The following PID1 variants were observed in gnomAD, a reference collection of about 807,000 sequenced individuals.
The protein encoded by PID1 is phosphotyrosine interaction domain containing 1.
Under a neutral mutation model 19.1 loss-of-function variants are expected in PID1, and 10 were observed. The ratio of observed to expected loss-of-function variants is 0.52; its 90% confidence interval spans 0.32 to 0.89. The LOEUF is 0.89. Ranked by LOEUF, PID1 falls within the 40% of genes least tolerant of loss-of-function variation. The pLI is 0.03. For missense variants in PID1, 248 were observed against 285.3 expected (o/e 0.87, Z 0.94); for synonymous variants, 130 against 116.0 (o/e 1.12, Z -0.78).
intron 2 of PID1, among the ~76,000 whole-genome samples, chr2:229,099,469 A>G (rs1008641976): frequency 3.3e-5 from 5 of 152,190 alleles, no homozygotes; most frequent in African/African-American, 1.2e-4. Flanking sequence ...GGTTTCCATG[A>G]ATTTCTAATT....
Position 229,131,899 on chromosome 2 carries a change from CAGA to C in PID1, c.177+23916_177+23918del, listed in dbSNP as rs551534470. 4.9e-4 allele frequency among the ~76,000 whole-genome samples: 74 copies of C among 152,164 alleles called. No individual in the cohort carries two copies. In the South Asian group the frequency reaches 0.014, roughly 29 times the overall value. On this transcript the variant is annotated intron_variant, in intron 2 of 2. Coordinates refer to ENST00000392055, the MANE Select transcript of PID1 (RefSeq NM_001100818.2). ...TAAACAACAGTGACATGAGGGTGGG[CAGA>C]AGATTAGTTATGATCTAGTACTATC...
rs146209799 is a variant in PID1, at chr2:229,109,993, T to C, written c.177+45825A>G. Among the ~76,000 whole-genome samples the C allele has an allele frequency of 2.4e-3, 370 of 152,316 alleles. 1 individual carries two copies. The highest frequency in any genetic ancestry group is 6.4e-3 in the South Asian group (31 of 4,820). ...GTTACTCAGTAATTGGAGGAGTCAC[T>C]CTACCTGTTTCTGTCTGCTGAAAGG... is the stretch of plus-strand genomic sequence containing the variant. On this transcript the variant is annotated intron_variant, in intron 2 of 2. Transcript: ENST00000392055.
intron 2 of PID1, among the ~76,000 whole-genome samples, chr2:229,112,053 A>C (rs562738564): frequency 6.6e-6 from 1 of 152,376 alleles, no homozygotes; most frequent in South Asian, 2.1e-4. Flanking sequence ...AAATTAGCAC[A>C]TCGCTCCAAT....
At chr2:229,239,076 A>T (rs938345338) in intron 1 of PID1, among the ~76,000 whole-genome samples, 1 of 152,068 alleles carries the variant, frequency 6.6e-6, no homozygotes, top group African/African-American at 2.4e-5. Flanking sequence ...AGGATGAGAA[A>T]AAAATGATTT....
chr2:229,158,494 C>T (rs1690427155), intron 1 of PID1, among the ~76,000 whole-genome samples: 1 of 152,024 alleles, frequency 6.6e-6, no homozygotes. Context: ...CTATTTTATT[C>T]AAGGACATAT....
intron 1 of PID1, among the ~76,000 whole-genome samples, chr2:229,239,493 G>T (rs1047507551): frequency 1.3e-5 from 2 of 151,948 alleles, no homozygotes; most frequent in Non-Finnish European, 2.9e-5. Flanking sequence ...GAGCCTGAGA[G>T]CCTCAATGTT....
At chr2:229,268,537 T>C (rs1433400205) in intron 1 of PID1, among the ~76,000 whole-genome samples, 1 of 152,236 alleles carries the variant, frequency 6.6e-6, no homozygotes, top group African/African-American at 2.4e-5. Context: ...ATTAGGAAGT[T>C]CTGGGAATGT....
chr2:229,112,683 CCAT>C (rs1424610266), intron 2 of PID1, among the ~76,000 whole-genome samples: 1 of 152,078 alleles, frequency 6.6e-6, no homozygotes, highest in African/African-American at 2.4e-5. Context: ...CGGGGTTTCA[CCAT>C]GTTTCCCAGG....
chr2:229,076,831 T>C (rs1694568102), intron 2 of PID1, among the ~76,000 whole-genome samples: 1 of 152,206 alleles, frequency 6.6e-6, no homozygotes, highest in African/African-American at 2.4e-5. Context: ...GTCTTTGTTA[T>C]TGTGAATAGT....
At chr2:229,056,663 CT>C (rs551322268) in intron 2 of PID1, among the ~76,000 whole-genome samples, 4 of 101,712 alleles carry the variant, frequency 3.9e-5, no homozygotes, top group African/African-American at 4.3e-5. Context: ...CCCGATTTGG[CT>C]TTTTTTCCCT....
chr2:229,031,194 C>A (rs1574568588), intron 2 of PID1, among the ~76,000 whole-genome samples: 1 of 110,888 alleles, frequency 9.0e-6, no homozygotes, highest in South Asian at 2.7e-4. Flanking sequence ...CCAACCTGGG[C>A]AGCATAACGA....
intron 2 of PID1, among the ~76,000 whole-genome samples, chr2:229,136,706 A>T (rs1689864619): frequency 6.6e-6 from 1 of 152,220 alleles, no homozygotes; most frequent in South Asian, 2.1e-4. Context: ...AGTTATCCAG[A>T]ACCTCAGGGA....
intron 2 of PID1, among the ~76,000 whole-genome samples, chr2:229,133,721 T>C (rs891667372): frequency 1.3e-5 from 2 of 152,176 alleles, no homozygotes; most frequent in African/African-American, 4.8e-5. Flanking sequence ...AACCAGCCAA[T>C]GAGCAGGTTT....
chr2:229,188,570 T>C lies in PID1; in HGVS notation c.31-32606A>G, dbSNP rs1054223223. On this transcript the variant is annotated intron_variant, in intron 1 of 2. Transcript: ENST00000392055. ...CTGGCCAACATAGTGAAACCCTGTC[T>C]CTACTAAAAATACAAAAAATTAGCC... is the stretch of plus-strand genomic sequence containing the variant. Among the ~76,000 whole-genome samples, 4 of 151,986 alleles carry C rather than the reference T, an allele frequency of 2.6e-5. No individual in the cohort carries two copies. In the East Asian group the frequency reaches 7.8e-4, roughly 30 times the overall value.
rs139151577 is a variant in PID1 at position 229,238,497 on chromosome 2, G to A, written c.30+32517C>T. On this transcript the variant is annotated intron_variant, in intron 1 of 2. Coordinates refer to ENST00000392055, the MANE Select transcript of PID1 (RefSeq NM_001100818.2). ...GGCTCTAGCAGCGCAATCGATTAGC[G>A]TACAGTACTTATAAGAAAAGAGGCC... Among the ~76,000 whole-genome samples the A allele has an allele frequency of 1.8e-4, 27 of 152,154 alleles. No homozygotes were observed. The East Asian group carries it at 4.4e-3, about 25-fold the overall frequency.
intron 1 of PID1, among the ~76,000 whole-genome samples, chr2:229,178,794 C>T (rs557484844): frequency 1.4e-4 from 21 of 152,136 alleles, no homozygotes; most frequent in East Asian, 1.9e-4. Context: ...ATTTCAGAGG[C>T]GGAAAGTGTC....
chr2:229,124,440 T>C (rs1015658361), intron 2 of PID1, among the ~76,000 whole-genome samples: 1 of 152,124 alleles, frequency 6.6e-6, no homozygotes, highest in Non-Finnish European at 1.5e-5. Context: ...AAAATAACAC[T>C]AAGAGGTTAT....
intron 2 of PID1, 120 bp downstream of exon 2, chr2:229,155,698 G>A (rs1160966696): frequency 3.4e-6 from 3 of 893,178 alleles, no homozygotes; most frequent in Non-Finnish European, 5.0e-6. Context: ...AATTTATTTT[G>A]TTGGTCATTT....
chr2:229,145,155 GTATATATATATATATATA>G (rs5839309), intron 2 of PID1, among the ~76,000 whole-genome samples: 6 of 119,968 alleles, frequency 5.0e-5, no homozygotes, highest in South Asian at 2.7e-4. Context: ...ATATGTATGT[GTATATATATATATATATA>G]TATATATATA....
Sources: gnomAD v4.1 joint callset for allele counts (sites outside exome capture counted in the v4.1 genomes callset) on GRCh38, gnomAD v4.1.1 for gene constraint, MANE v1.5 for transcripts, NCBI Gene and HGNC (gene_info 2026-07-23, HGNC 2026-07-21) for gene names.